Variants in SMARCC1 observed in about 807,000 individuals in gnomAD.
SMARCC1 encodes the protein SWI/SNF related BAF chromatin remodeling complex subunit C1.
A neutral mutation model predicts 147.4 loss-of-function variants in SMARCC1; 43 were observed. That is an observed-to-expected ratio of 0.29 (90% CI 0.23 to 0.38). The LOEUF (loss-of-function observed/expected upper bound fraction) is 0.38. Among genes scored for constraint, SMARCC1 ranks in the 10% least tolerant of loss-of-function variants. The pLI, the probability that SMARCC1 is intolerant of heterozygous loss-of-function variation, is 1.00. For synonymous variants in SMARCC1, 495 were observed against 484.4 expected, an observed-to-expected ratio of 1.02 and a Z score of -0.29; for missense variants, 1,119 against 1,381.1, an observed-to-expected ratio of 0.81 and a Z score of 3.01.
chr3:47,737,272 T>C (rs2034454793), intron 4 of SMARCC1, among the ~76,000 whole-genome samples: 1 of 152,250 alleles, frequency 6.6e-6, no homozygotes, highest in Non-Finnish European at 1.5e-5. Flanking sequence ...CGTGTGCCTG[T>C]AGTCCCAGCT....
intron 10 of SMARCC1, among the ~76,000 whole-genome samples, chr3:47,705,416 A>G (rs2033980372): frequency 6.6e-6 from 1 of 152,054 alleles, no homozygotes; most frequent in South Asian, 2.1e-4. Flanking sequence ...TTTTCATGTC[A>G]TAATATGTGT....
At chr3:47,776,014 G>C (rs547517168) in intron 1 of SMARCC1, among the ~76,000 whole-genome samples, 1 of 152,108 alleles carries the variant, frequency 6.6e-6, no homozygotes, top group East Asian at 1.9e-4. Context: ...CAGGCATGGT[G>C]GTGCATGCCT....
chr3:47,678,049 G>C (rs1046971597), intron 16 of SMARCC1, 149 bp downstream of exon 16: 1 of 416,446 alleles, frequency 2.4e-6, no homozygotes, highest in Non-Finnish European at 4.4e-6. Context: ...GAAATGAAAG[G>C]AAACAAAATA....
At chr3:47,774,328 AT>A (rs2034949354) in intron 1 of SMARCC1, among the ~76,000 whole-genome samples, 1 of 151,758 alleles carries the variant, frequency 6.6e-6, no homozygotes. Context: ...AATACAAAAA[AT>A]TAGCTGGGTG....
intron 25 of SMARCC1, among the ~76,000 whole-genome samples, chr3:47,621,378 C>T (rs1216780944): frequency 2.6e-5 from 4 of 151,784 alleles, no homozygotes; most frequent in African/African-American, 4.8e-5. Flanking sequence ...CAGCTCCATT[C>T]GCAATAGCGA....
At chr3:47,708,163 G>A (rs773307708) in intron 9 of SMARCC1, among the ~76,000 whole-genome samples, 1 of 121,100 alleles carries the variant, frequency 8.3e-6, no homozygotes, top group South Asian at 2.7e-4. Context: ...GCAGTGGCGC[G>A]ATCTCAGCTC....
Position 47,670,724 on chromosome 3 carries a change from A to G in SMARCC1, c.1840-7T>C, listed in dbSNP as rs1162183393. 4 of 1,552,524 alleles carry G rather than the reference A, an allele frequency of 2.6e-6. No individual in the cohort carries two copies. The highest frequency in any genetic ancestry group is 1.7e-5 in the Admixed American group (1 of 59,908). On this transcript the variant is annotated splice_polypyrimidine_tract_variant and splice_region_variant and intron_variant, in intron 18 of 27. Transcript: ENST00000254480. The stretch of plus-strand genomic sequence containing the variant: ...CAGCACTAGCACCTTTACTCTAAGG[A>G]AACAAAATCAGAAATTATTTGCTCA...
intron 2 of SMARCC1, 94 bp from the exon 3 acceptor site, chr3:47,746,087 ACAAAT>A: frequency 2.8e-6 from 2 of 711,822 alleles, no homozygotes; most frequent in Non-Finnish European, 4.6e-6. Flanking sequence ...AAATATATAA[ACAAAT>A]ACTAATTAAA....
At chr3:47,647,007 G>C (rs570906835) in intron 21 of SMARCC1, among the ~76,000 whole-genome samples, 1 of 152,216 alleles carries the variant, frequency 6.6e-6, no homozygotes, top group South Asian at 2.1e-4. Flanking sequence ...CTCTACTTAA[G>C]GTCAAAACTA....
intron 8 of SMARCC1, among the ~76,000 whole-genome samples, chr3:47,712,576 TAA>T (rs1472149526): frequency 6.6e-6 from 1 of 152,170 alleles, no homozygotes; most frequent in African/African-American, 2.4e-5. Flanking sequence ...TAATCTCATT[TAA>T]CTCTCCTAAG....
intron 27 of SMARCC1, among the ~76,000 whole-genome samples, chr3:47,588,993 C>G (rs1296486406): frequency 6.6e-6 from 1 of 152,138 alleles, no homozygotes; most frequent in Non-Finnish European, 1.5e-5. Flanking sequence ...ATCATTTAAT[C>G]CGGGTTTTAA....
intron 2 of SMARCC1, among the ~76,000 whole-genome samples, chr3:47,748,938 G>A (rs1419938108): frequency 6.6e-6 from 1 of 152,188 alleles, no homozygotes; most frequent in Non-Finnish European, 1.5e-5. Context: ...GGGAGGCTGA[G>A]GCAGGAGGAT....
At chr3:47,699,409 C>T (rs1016257052) in intron 11 of SMARCC1, among the ~76,000 whole-genome samples, 13 of 152,132 alleles carry the variant, frequency 8.5e-5, no homozygotes, top group African/African-American at 2.9e-4. Flanking sequence ...TCACCTTCAG[C>T]GTTAGTGCTT....
chr3:47,745,068 G>A (rs1322330661), intron 3 of SMARCC1, among the ~76,000 whole-genome samples: 1 of 152,084 alleles, frequency 6.6e-6, no homozygotes, highest in Admixed American at 6.6e-5. Context: ...AGGAGTTCGA[G>A]ACCAGCCTGG....
Position 47,710,821 on chromosome 3 carries a change from C to A in SMARCC1, c.793-13G>T. ...ATTTCACATGAACCTAAAACCATAT[C>A]AAAGCATCAATATCTACATAAATAA... On this transcript the variant is annotated splice_polypyrimidine_tract_variant and intron_variant, in intron 8 of 27. Transcript: ENST00000254480. 1 of 1,595,290 alleles carries A rather than the reference C, an allele frequency of 6.3e-7. No homozygotes were observed. The highest frequency in any genetic ancestry group is 1.1e-5 in the South Asian group (1 of 87,856).
chr3:47,611,501 C>T (rs1229749445), intron 25 of SMARCC1, among the ~76,000 whole-genome samples: 1 of 152,082 alleles, frequency 6.6e-6, no homozygotes, highest in African/African-American at 2.4e-5. Context: ...ATCATTTCAC[C>T]TGTTTTTAAT....
chr3:47,665,373 CG>C (rs2033408007), intron 19 of SMARCC1, among the ~76,000 whole-genome samples: 1 of 152,178 alleles, frequency 6.6e-6, no homozygotes, highest in East Asian at 1.9e-4. Context: ...CTCGGGTCCA[CG>C]GAAGTAGAAA....
chr3:47,707,358 C>T (rs1303005909), intron 9 of SMARCC1, among the ~76,000 whole-genome samples: 2 of 151,354 alleles, frequency 1.3e-5, no homozygotes, highest in Non-Finnish European at 2.9e-5. Flanking sequence ...TAAAAACTAT[C>T]CCGGCTTGCA....
intron 21 of SMARCC1, among the ~76,000 whole-genome samples, chr3:47,646,773 T>C (rs1212259387): frequency 6.6e-6 from 1 of 152,230 alleles, no homozygotes; most frequent in Non-Finnish European, 1.5e-5. Context: ...GACTTCCCAA[T>C]GTCTGCAAGG....
Sources: allele counts gnomAD v4.1 joint callset (sites outside exome capture counted in the v4.1 genomes callset), GRCh38; gene constraint gnomAD v4.1.1; transcripts MANE v1.5; gene names NCBI Gene and HGNC (gene_info 2026-07-23, HGNC 2026-07-21).